Variants in SHC3 observed in about 807,000 individuals in gnomAD.
The protein encoded by SHC3 is SHC adaptor protein 3.
A neutral mutation model predicts 60.4 loss-of-function variants in SHC3; 15 were observed. That is an observed-to-expected ratio of 0.25 (90% CI 0.17 to 0.38). The LOEUF (loss-of-function observed/expected upper bound fraction) is 0.38, where lower values mean the gene tolerates loss of function less well. SHC3 is among the 10% of genes least tolerant of loss of function. SHC3 has a pLI of 1.00. For missense variants in SHC3, 677 were observed against 786.1 expected, an observed-to-expected ratio of 0.86 and a Z score of 1.66; for synonymous variants, 294 against 325.9, an observed-to-expected ratio of 0.90 and a Z score of 1.05.
At chr9:89,177,964 G>C in intron 1 of SHC3, 23 bp downstream of exon 1, 1 of 1,211,606 alleles carries the variant, frequency 8.3e-7, no homozygotes, top group Non-Finnish European at 1.0e-6. Flanking sequence ...CCAGCCCCCA[G>C]GGCGGCCCGC....
intron 6 of SHC3, among the ~76,000 whole-genome samples, chr9:89,053,402 G>A (rs1292226758): frequency 1.3e-5 from 2 of 152,246 alleles, no homozygotes; most frequent in East Asian, 3.9e-4. Context: ...AAAGATGAAA[G>A]CTGTCAGGGA....
At chr9:89,019,830 A>T (rs1243776718) in intron 11 of SHC3, among the ~76,000 whole-genome samples, 1 of 152,222 alleles carries the variant, frequency 6.6e-6, no homozygotes, top group Non-Finnish European at 1.5e-5. Flanking sequence ...GTTCTTTGCA[A>T]TATTTATTAA....
At chr9:89,101,160 A>G (rs1201895025) in intron 2 of SHC3, among the ~76,000 whole-genome samples, 1 of 152,136 alleles carries the variant, frequency 6.6e-6, no homozygotes, top group Non-Finnish European at 1.5e-5. Flanking sequence ...AAAATATTTT[A>G]TGTTTTTATG....
chr9:89,071,349 G>T, intron 4 of SHC3, 97 bp from the exon 5 acceptor site: 1 of 1,252,112 alleles, frequency 8.0e-7, no homozygotes, highest in Non-Finnish European at 1.2e-6. Context: ...AAATTGACAT[G>T]TTTTCCTGAA....
At chr9:89,105,007 T>C (rs990251617) in intron 2 of SHC3, among the ~76,000 whole-genome samples, 2 of 152,144 alleles carry the variant, frequency 1.3e-5, no homozygotes, top group African/African-American at 2.4e-5. Context: ...ACAGAGGCAA[T>C]GCTGCCCCTA....
intron 11 of SHC3, among the ~76,000 whole-genome samples, chr9:89,035,043 G>A (rs1305428540): frequency 1.3e-5 from 2 of 152,106 alleles, no homozygotes; most frequent in African/African-American, 2.4e-5. Context: ...TTAATGCAAC[G>A]TGTCATTTTG....
chr9:89,148,271 G>A (rs1929319), intron 1 of SHC3, among the ~76,000 whole-genome samples: 119 of 152,264 alleles, frequency 7.8e-4, no homozygotes, highest in Admixed American at 6.8e-3. Flanking sequence ...ATGAATTCAG[G>A]TGGATGTTTG....
rs7867209 is a variant in SHC3, at chr9:89,142,102, A to T, written c.475-29476T>A. On this transcript the variant is annotated intron_variant, in intron 1 of 11. Transcript: ENST00000375835. Reference sequence around the variant, plus strand: ...GCAAAGAATGTAAGGCAGATTAATTAAAAAAGAATAGGAATTAACATCCCA... The same window carrying T: ...GCAAAGAATGTAAGGCAGATTAATTTAAAAAGAATAGGAATTAACATCCCA... Among the ~76,000 whole-genome samples, 811 of 152,294 alleles carry T rather than the reference A, an allele frequency of 5.3e-3. 7 individuals carry two copies. Among genetic ancestry groups the T allele is most frequent in the African/African-American group, 0.018 (763 of 41,558 alleles).
At chr9:89,135,360 T>C (rs1227768092) in intron 1 of SHC3, among the ~76,000 whole-genome samples, 4 of 152,116 alleles carry the variant, frequency 2.6e-5, no homozygotes, top group Non-Finnish European at 5.9e-5. Context: ...AGAAGAAGCA[T>C]TTATTTAACT....
chr9:89,142,997 TC>T (rs1400490280), intron 1 of SHC3, among the ~76,000 whole-genome samples: 1 of 152,036 alleles, frequency 6.6e-6, no homozygotes, highest in Non-Finnish European at 1.5e-5. Context: ...TGGGTCCTGA[TC>T]CAGACTCAAG....
intron 6 of SHC3, among the ~76,000 whole-genome samples, chr9:89,058,684 G>C (rs1213173046): frequency 1.3e-5 from 2 of 148,230 alleles, no homozygotes; most frequent in Admixed American, 1.3e-4. Context: ...TGTAGGATGT[G>C]ATGGAGGGCG....
chr9:89,064,676 T>C (rs1190922076), intron 6 of SHC3, among the ~76,000 whole-genome samples: 10 of 152,142 alleles, frequency 6.6e-5, no homozygotes, highest in Non-Finnish European at 1.0e-4. Context: ...GGCCGCATCA[T>C]GGATCAGTTC....
At chr9:89,135,391 C>T (rs1484942769) in intron 1 of SHC3, among the ~76,000 whole-genome samples, 1 of 152,040 alleles carries the variant, frequency 6.6e-6, no homozygotes, top group Non-Finnish European at 1.5e-5. Flanking sequence ...AGGGTACAAA[C>T]CCATGGCTGG....
chr9:89,114,297 C>G (rs1208264052), intron 1 of SHC3, among the ~76,000 whole-genome samples: 1 of 152,020 alleles, frequency 6.6e-6, no homozygotes, highest in African/African-American at 2.4e-5. Flanking sequence ...AAACTATGAA[C>G]AATTCAGAGT....
chr9:89,119,141 A>T (rs1164693559), intron 1 of SHC3, among the ~76,000 whole-genome samples: 8 of 152,286 alleles, frequency 5.3e-5, no homozygotes, highest in Non-Finnish European at 8.8e-5. Flanking sequence ...ACAGTAAAAA[A>T]TTATGTTTAT....
intron 11 of SHC3, among the ~76,000 whole-genome samples, chr9:89,017,106 C>T (rs1826110330): frequency 6.6e-6 from 1 of 152,308 alleles, no homozygotes; most frequent in East Asian, 1.9e-4. Context: ...CTATCCCCAT[C>T]AAGCTACCAT....
intron 8 of SHC3, among the ~76,000 whole-genome samples, chr9:89,046,322 T>C (rs1198880528): frequency 6.6e-6 from 1 of 152,056 alleles, no homozygotes; most frequent in East Asian, 1.9e-4. Flanking sequence ...AGTGGTGTCA[T>C]TATCATTCAC....
At chr9:89,154,808 T>C (rs1321294109) in intron 1 of SHC3, among the ~76,000 whole-genome samples, 1 of 152,254 alleles carries the variant, frequency 6.6e-6, no homozygotes, top group African/African-American at 2.4e-5. Context: ...TAAACCACTG[T>C]GCTTGATTTC....
chr9:89,142,673 CAAAA>C (rs769333860), intron 1 of SHC3, among the ~76,000 whole-genome samples: 1 of 83,706 alleles, frequency 1.2e-5, no homozygotes, highest in Non-Finnish European at 2.4e-5. Context: ...GAGACTCTGT[CAAAA>C]AAAAAAAAAA....
Sources: allele counts gnomAD v4.1 joint callset (sites outside exome capture counted in the v4.1 genomes callset), GRCh38; gene constraint gnomAD v4.1.1; transcripts MANE v1.5; gene names NCBI Gene and HGNC (gene_info 2026-07-23, HGNC 2026-07-21).